Variants in PEX5 observed in about 807,000 individuals in gnomAD.
PEX5 encodes the protein peroxisomal biogenesis factor 5, also known as PTS1 receptor.
PEX5 carries 52 observed loss-of-function variants against 82.9 expected under a neutral mutation model. That is an observed-to-expected ratio of 0.63 (90% CI 0.50 to 0.79). The LOEUF (loss-of-function observed/expected upper bound fraction) is 0.79. Ranked by LOEUF, PEX5 falls within the 30% of genes least tolerant of loss-of-function variation. PEX5 has a pLI of 0.00. For missense variants in PEX5, 719 were observed against 815.2 expected (o/e 0.88, Z 1.44); for synonymous variants, 300 against 318.8 (o/e 0.94, Z 0.63).
In PEX5 at chr12:7,201,844, G is replaced by A. The variant is rs1565703345; in HGVS notation, c.642+3G>A. On this transcript the variant is annotated splice_donor_region_variant and intron_variant, in intron 7 of 15. Coordinates refer to ENST00000675855, the MANE Select transcript of PEX5 (RefSeq NM_001351132.2). The stretch of plus-strand genomic sequence containing the variant: ...ACCCCAAATTGGCTAATTCTGAGGT[G>A]AGCCACATCCCTCTGCTGCTTTGCC... 4 of 1,603,354 alleles carry A rather than the reference G, an allele frequency of 2.5e-6. No individual in the cohort carries two copies. The highest frequency in any genetic ancestry group is 3.4e-6 in the Non-Finnish European group (4 of 1,170,416).
At chr12:7,194,827 T>C (rs1224376390) in intron 5 of PEX5, among the ~76,000 whole-genome samples, 1 of 152,208 alleles carries the variant, frequency 6.6e-6, no homozygotes, top group Non-Finnish European at 1.5e-5. Flanking sequence ...TTTCTGGATG[T>C]TGGAGGAGAG....
rs1039117234 is a variant in PEX5, at chr12:7,207,952, G to A, written c.1111-58G>A. 6.5e-6 allele frequency: 10 copies of A among 1,545,034 alleles called. No homozygotes were observed. The African/African-American group carries it at 1.4e-4, about 21-fold the overall frequency. ...GAGATGGTGAGTGGGAGAAGCCAGGGGGAAGGGCGAATGGAGAGGTGAATA... is the reference window on the plus strand; with the variant it reads ...GAGATGGTGAGTGGGAGAAGCCAGGAGGAAGGGCGAATGGAGAGGTGAATA... On this transcript the variant is annotated intron_variant, in intron 11 of 15. Coordinates refer to ENST00000675855, the MANE Select transcript of PEX5 (RefSeq NM_001351132.2).
chr12:7,215,873 G>C (rs1387017248), downstream of PEX5, among the ~76,000 whole-genome samples: 6 of 151,874 alleles, frequency 4.0e-5, no homozygotes, highest in Non-Finnish European at 5.9e-5. Flanking sequence ...GTGTACTTCA[G>C]AACCTGGAAT....
At chr12:7,199,654 T>C (rs1244002933) in intron 6 of PEX5, among the ~76,000 whole-genome samples, 1 of 150,818 alleles carries the variant, frequency 6.6e-6, no homozygotes, top group Admixed American at 6.6e-5. Context: ...TTTCCCCACC[T>C]TTCCCCCTTT....
At chr12:7,212,206 C>G (rs1325305635), downstream of PEX5, among the ~76,000 whole-genome samples, 3 of 151,854 alleles carry the variant, frequency 2.0e-5, no homozygotes, top group Non-Finnish European at 2.9e-5. Flanking sequence ...CTCAGGCAAT[C>G]CACCCACCTC....
rs1189693990 is a variant in PEX5 at position 7,207,670 on chromosome 12, TGAG to T, written c.985_987del (p.Glu329del). 6.2e-7 allele frequency: 1 copy of T among 1,613,986 alleles called. No individual in the cohort carries two copies. Among genetic ancestry groups the T allele is most frequent in the Non-Finnish European group, 8.5e-7 (1 of 1,179,990 alleles). On this transcript the variant is annotated inframe_deletion, in exon 11 of 16. Transcript: ENST00000675855. Reference sequence around the variant, plus strand: ...TGCTTTTCTTGTAGGGGTACCAGTTTGAGGAGGAGAACCCCTTGCGTGATCACC... The same window carrying T: ...TGCTTTTCTTGTAGGGGTACCAGTTTGAGGAGAACCCCTTGCGTGATCACC...
chr12:7,209,060 A>G lies in PEX5; in HGVS notation c.1450A>G (p.Thr484Ala). 1 of 1,613,942 alleles carries G rather than the reference A, an allele frequency of 6.2e-7. No homozygotes were observed. Among genetic ancestry groups the G allele is most frequent in the Non-Finnish European group, 8.5e-7 (1 of 1,179,964 alleles). ...CCTGGCAGCTGTGCGGCTGGACCCTACCTCCATTGACCCTGATGTGCAGTG... is the reference window on the plus strand; with the variant it reads ...CCTGGCAGCTGTGCGGCTGGACCCTGCCTCCATTGACCCTGATGTGCAGTG... Reference protein sequence around the residue: ...LFLAAVRLDPTSIDPDVQCGL... With the variant: ...LFLAAVRLDPASIDPDVQCGL... Residue 484 changes from threonine to alanine, a missense_variant, in exon 14 of 16, where the codon ACC (threonine) becomes GCC (alanine). Coordinates refer to ENST00000675855, the MANE Select transcript of PEX5 (RefSeq NM_001351132.2).
upstream of PEX5, chr12:7,189,486 T>A (rs1940468028): frequency 6.3e-6 from 1 of 158,084 alleles, no homozygotes; most frequent in Admixed American, 6.5e-5. Context: ...GCCCGTGGCC[T>A]TTTCGAGCGC....
intron 17 of PEX5, among the ~76,000 whole-genome samples, chr12:7,217,575 A>G (rs1474743479): frequency 1.3e-5 from 2 of 152,200 alleles, no homozygotes; most frequent in Non-Finnish European, 2.9e-5. Context: ...ATCTCACACA[A>G]TCTCACTCCT....
At position 7,205,037 on chromosome 12, in the gene PEX5, A is replaced by T. The variant is rs1944588630; in HGVS notation, c.966+1486A>T. Among the ~76,000 whole-genome samples the T allele has an allele frequency of 4.6e-5, 7 of 152,238 alleles. No individual in the cohort carries two copies. The South Asian group carries it at 1.4e-3, about 31-fold the overall frequency. ...TACAAAACTTAATCCAAAATGGCTT[A>T]AAGACCCAAATGCAGTACCCAAAAC... is the stretch of plus-strand genomic sequence containing the variant. On this transcript the variant is annotated intron_variant, in intron 10 of 15. Coordinates refer to ENST00000675855, the MANE Select transcript of PEX5 (RefSeq NM_001351132.2).
rs1941044144 is a variant in PEX5 at position 7,191,223 on chromosome 12, C to T, written c.184-3C>T. The T allele has an allele frequency of 6.2e-7, 1 of 1,614,048 alleles. No individual in the cohort carries two copies. The highest frequency in any genetic ancestry group is 1.7e-5 in the Admixed American group (1 of 59,996). ...GTTCATTTCATCATTTCCCTTCTGG[C>T]AGTTGGTGGCTGAATTCCTGCAGGA... is the stretch of plus-strand genomic sequence containing the variant. On this transcript the variant is annotated splice_polypyrimidine_tract_variant and splice_region_variant and intron_variant, in intron 3 of 15. Coordinates refer to ENST00000675855, the MANE Select transcript of PEX5 (RefSeq NM_001351132.2).
rs1945078035 is a variant in PEX5, at chr12:7,208,332, CAG to C, written c.1182-122_1182-121del. The C allele has an allele frequency of 9.0e-6, 7 of 776,396 alleles. No individual in the cohort carries two copies. The East Asian group carries it at 1.3e-4, about 15-fold the overall frequency. 48.1% of individuals were successfully genotyped at this position (776,396 alleles called of 1,614,324 possible). A position where few individuals can be genotyped will look rare whatever the true frequency, so the allele number is the denominator to read the frequency against. ...CTGTAACTTTATTATTAACTCATGT[CAG>C]AGGAGTCACAGGTGAGGCCATTGTG... On this transcript the variant is annotated intron_variant, in intron 12 of 15. Coordinates refer to ENST00000675855, the MANE Select transcript of PEX5 (RefSeq NM_001351132.2).
chr12:7,190,751 T>A, intron 2 of PEX5, 137 bp from the exon 3 acceptor site: 1 of 1,304,026 alleles, frequency 7.7e-7, no homozygotes, highest in Non-Finnish European at 1.1e-6. Context: ...TTATAAACAC[T>A]AGAAAACCCT....
At chr12:7,213,260 C>T (rs1017695656), downstream of PEX5, among the ~76,000 whole-genome samples, 6 of 151,896 alleles carry the variant, frequency 4.0e-5, no homozygotes, top group Non-Finnish European at 8.8e-5. Flanking sequence ...AAAGAGCCCA[C>T]ATCACCAAGT....
At position 7,201,743 on chromosome 12, in the gene PEX5, C is replaced by T. The variant is rs766250063; in HGVS notation, c.552-8C>T. ...CTAATGTGTAAAATTAGTTCTTACC[C>T]GTTCCAGGTATGATGAATATCATCC... On this transcript the variant is annotated splice_polypyrimidine_tract_variant and splice_region_variant and intron_variant, in intron 6 of 15. Transcript: ENST00000675855. 32 of 1,604,018 alleles carry T rather than the reference C, an allele frequency of 2.0e-5. No homozygotes were observed. In the Admixed American group the frequency reaches 2.5e-4, roughly 13 times the overall value.
At chr12:7,197,517 T>TTATATATGTTATATATAATGTAATAATTA (rs774934547) in intron 5 of PEX5, among the ~76,000 whole-genome samples, 2 of 91,050 alleles carry the variant, frequency 2.2e-5, no homozygotes, top group Admixed American at 1.3e-4. Context: ...AATGTAATAA[T>TTATATATGTTATATATAATGTAATAATTA]TATATGTTAT....
intron 6 of PEX5, among the ~76,000 whole-genome samples, chr12:7,200,345 A>AG (rs1487257764): frequency 6.7e-6 from 1 of 150,358 alleles, no homozygotes; most frequent in African/African-American, 2.5e-5. Flanking sequence ...GGCTGGGAAG[A>AG]GGCGCTCCTC....
At chr12:7,217,690 C>T (rs1184462635) in intron 17 of PEX5, among the ~76,000 whole-genome samples, 1 of 152,240 alleles carries the variant, frequency 6.6e-6, no homozygotes, top group Non-Finnish European at 1.5e-5. Context: ...ATAACTGGGG[C>T]CGCCTGTCCC....
intron 6 of PEX5, among the ~76,000 whole-genome samples, chr12:7,200,591 C>T (rs1255009711): frequency 6.6e-6 from 1 of 152,232 alleles, no homozygotes; most frequent in Non-Finnish European, 1.5e-5. Flanking sequence ...GCACTCCAGC[C>T]TGGGCACCAT....
Sources: allele counts gnomAD v4.1 joint callset (sites outside exome capture counted in the v4.1 genomes callset), GRCh38; gene constraint gnomAD v4.1.1; transcripts MANE v1.5; gene names NCBI Gene and HGNC (gene_info 2026-07-23, HGNC 2026-07-21).